Variants in TSBP1 observed in about 807,000 individuals in gnomAD.
TSBP1 encodes the protein testis expressed basic protein 1.
Under a neutral mutation model 68.8 loss-of-function variants are expected in TSBP1, and 56 were observed. The ratio of observed to expected loss-of-function variants is 0.81; its 90% CI spans 0.66 to 1.02. The LOEUF is 1.02. Ranked by LOEUF, TSBP1 falls within the 50% of genes least tolerant of loss-of-function variation. The probability of loss-of-function intolerance (pLI) is 0.00; values close to 1 mark genes in which losing one functional copy is unlikely to be tolerated. For missense variants in TSBP1, 502 were observed against 641.2 expected (o/e 0.78, Z 2.34); for synonymous variants, 171 against 208.7 (o/e 0.82, Z 1.56).
At chr6:32,344,488 C>T (rs1314762719) in intron 9 of TSBP1, among the ~76,000 whole-genome samples, 1 of 152,070 alleles carries the variant, frequency 6.6e-6, no homozygotes, top group Non-Finnish European at 1.5e-5. Flanking sequence ...GGTCCCTAGA[C>T]AAACAAGCGT....
rs551802901 is a variant in TSBP1 at position 32,316,691 on chromosome 6, C to T, written c.560-899G>A. Among the ~76,000 whole-genome samples the T allele has an allele frequency of 6.6e-6, 1 of 152,260 alleles. No homozygotes were observed. Among genetic ancestry groups the T allele is most frequent in the African/African-American group, 2.4e-5 (1 of 41,548 alleles). On this transcript the variant is annotated intron_variant, in intron 18 of 22. Coordinates refer to ENST00000612031, the Ensembl canonical transcript of TSBP1. This position sits in a 1 kb window ranked among gnomAD's most constrained non-coding sequence, Gnocchi z 4.5. ...ATAATTCTATAGGAGGTGCAAAGTA[C>T]ATATGTGTTTGAAATCATGTAAATG...
At chr6:32,310,758 TA>T (rs1214818765) in intron 19 of TSBP1, among the ~76,000 whole-genome samples, 6 of 139,428 alleles carry the variant, frequency 4.3e-5, no homozygotes, top group Admixed American at 3.5e-4. Context: ...TATATATATA[TA>T]TATTTTTAAT....
chr6:32,343,949 C>A lies in TSBP1; in HGVS notation c.350-4311G>T, dbSNP rs1378414407. ...ATATTAACTTTGATAGTAATTTGTA[C>A]AAGCTACCATAGAATGAACCCTCAC... is the stretch of plus-strand genomic sequence containing the variant. On this transcript the variant is annotated intron_variant, in intron 9 of 22. Coordinates refer to ENST00000612031, the Ensembl canonical transcript of TSBP1. This position sits in a 1 kb window ranked among gnomAD's most constrained non-coding sequence, Gnocchi z 4.3. 6.6e-6 allele frequency among the ~76,000 whole-genome samples: 1 copy of A among 150,594 alleles called. No homozygotes were observed. The highest frequency in any genetic ancestry group is 6.6e-5 in the Admixed American group (1 of 15,166).
chr6:32,310,251 AGTGT>A (rs9279576), intron 19 of TSBP1, among the ~76,000 whole-genome samples: 4 of 151,392 alleles, frequency 2.6e-5, no homozygotes, highest in Non-Finnish European at 4.4e-5. Context: ...GGCACATGTA[AGTGT>A]GTGTGTGTGT....
At chr6:32,355,032 T>A (rs1033604946) in intron 8 of TSBP1, 92 bp downstream of exon 8, 23 of 1,049,270 alleles carry the variant, frequency 2.2e-5, no homozygotes, top group Non-Finnish European at 3.1e-5. Flanking sequence ...TACTTAATTT[T>A]AAAAACTTTC....
At chr6:32,326,887 T>C (rs1195419132) in intron 16 of TSBP1, among the ~76,000 whole-genome samples, 1 of 152,212 alleles carries the variant, frequency 6.6e-6, no homozygotes, top group Non-Finnish European at 1.5e-5. Flanking sequence ...AGGGAGATGA[T>C]TGATCTCTTC....
chr6:32,307,673 G>A (rs554306207), intron 19 of TSBP1, among the ~76,000 whole-genome samples: 6 of 151,158 alleles, frequency 4.0e-5, no homozygotes, highest in African/African-American at 1.5e-4. Context: ...GTCAGTTTTT[G>A]TTTTATGTAT....
At position 32,335,961 on chromosome 6, in the gene TSBP1, A is replaced by C; in HGVS notation, c.431-29T>G. On this transcript the variant is annotated intron_variant, in intron 12 of 22. Transcript: ENST00000612031. This position sits in a 1 kb window ranked among gnomAD's most constrained non-coding sequence, Gnocchi z 5.5. ...TGAGAGAGAAAGAGGGAGAAAGAAA[A>C]AGATATCAGTATGCTTCACCACTGT... The C allele has an allele frequency of 6.3e-7, 1 of 1,595,966 alleles. No homozygotes were observed. The highest frequency in any genetic ancestry group is 1.1e-5 in the South Asian group (1 of 90,772).
In TSBP1 at chr6:32,340,144, T is replaced by C. The variant is rs967908967; in HGVS notation, c.350-506A>G. On this transcript the variant is annotated intron_variant, in intron 9 of 22. Coordinates refer to ENST00000612031, the Ensembl canonical transcript of TSBP1. The surrounding 1 kb of genome is among the most constrained non-coding windows in gnomAD (Gnocchi z 4.8). Reference sequence around the variant, plus strand: ...TTATTTTTGATTTATTAATTTCTGTTATTTTAATCTTTAAAACAACCCTAT... The same window carrying C: ...TTATTTTTGATTTATTAATTTCTGTCATTTTAATCTTTAAAACAACCCTAT... Among the ~76,000 whole-genome samples the C allele has an allele frequency of 6.6e-6, 1 of 152,228 alleles. No individual in the cohort carries two copies. The highest frequency in any genetic ancestry group is 1.5e-5 in the Non-Finnish European group (1 of 68,038).
chr6:32,345,881 C>A (rs1770957215), intron 9 of TSBP1, among the ~76,000 whole-genome samples: 1 of 152,112 alleles, frequency 6.6e-6, no homozygotes, highest in African/African-American at 2.4e-5. Context: ...TAGGAGCACA[C>A]GTCATCTTGA....
chr6:32,302,556 C>A lies in TSBP1; in HGVS notation c.601+53G>T. On this transcript the variant is annotated intron_variant, in intron 20 of 22. Transcript: ENST00000612031. This position sits in a 1 kb window ranked among gnomAD's most constrained non-coding sequence, Gnocchi z 5.1. Reference sequence around the variant, plus strand: ...TAAAAACATTTGTAGAAAAAATTTGCTCACCCCAGCCCTACAAGAAACTAA... The same window carrying A: ...TAAAAACATTTGTAGAAAAAATTTGATCACCCCAGCCCTACAAGAAACTAA... The A allele has an allele frequency of 8.3e-7, 1 of 1,201,582 alleles. No homozygotes were observed. The highest frequency in any genetic ancestry group is 1.9e-4 in the Middle Eastern group (1 of 5,166). The allele number at this position is 1,201,582 out of a possible 1,614,324, so 74.4% of individuals were successfully genotyped here. A position where few individuals can be genotyped will look rare whatever the true frequency, so the allele number is the denominator to read the frequency against.
At chr6:32,329,675 A>G (rs1768693367) in intron 16 of TSBP1, among the ~76,000 whole-genome samples, 1 of 152,096 alleles carries the variant, frequency 6.6e-6, no homozygotes, top group Non-Finnish European at 1.5e-5. Flanking sequence ...TCCCTTATTC[A>G]TGACTTTATC....
chr6:32,314,694 A>G lies in TSBP1; in HGVS notation c.580+1078T>C, dbSNP rs9268215. Reference sequence around the variant, plus strand: ...TCCTAACATTATTGAAATTAATAAAATGTTGTTATTATGAAAACTATATCC... The same window carrying G: ...TCCTAACATTATTGAAATTAATAAAGTGTTGTTATTATGAAAACTATATCC... On this transcript the variant is annotated intron_variant, in intron 19 of 22. Coordinates refer to ENST00000612031, the Ensembl canonical transcript of TSBP1. The surrounding 1 kb of genome is among the most constrained non-coding windows in gnomAD (Gnocchi z 4.2). Among the ~76,000 whole-genome samples the G allele has an allele frequency of 0.21, 31,908 of 152,038 alleles. 3,499 individuals are homozygous for G. Among genetic ancestry groups the G allele is most frequent in the East Asian group, 0.22 (1,142 of 5,172 alleles).
intron 4 of TSBP1, among the ~76,000 whole-genome samples, chr6:32,367,540 T>C (rs1489530410): frequency 2.0e-5 from 3 of 152,196 alleles, no homozygotes; most frequent in Admixed American, 6.5e-5. Context: ...TCTTCTTAAA[T>C]GGGGATAAGC....
chr6:32,354,123 A>G (rs1772005681), intron 8 of TSBP1, among the ~76,000 whole-genome samples: 1 of 151,954 alleles, frequency 6.6e-6, no homozygotes, highest in Admixed American at 6.6e-5. Context: ...AGGCCTTCTA[A>G]AAGTCAAGAG....
chr6:32,301,082 G>A (rs1336679336), intron 20 of TSBP1, among the ~76,000 whole-genome samples: 2 of 151,974 alleles, frequency 1.3e-5, no homozygotes, highest in Non-Finnish European at 2.9e-5. Flanking sequence ...AGGCTGCAGT[G>A]CAGTGGCATG....
At chr6:32,331,987 A>G (rs16870045) in intron 15 of TSBP1, 47 bp downstream of exon 16, 14,822 of 1,408,362 alleles carry the variant, frequency 0.011, 255 homozygotes, top group Admixed American at 0.031. Flanking sequence ...TCCTTCAGAC[A>G]TAGTAAGAAG....
chr6:32,308,957 C>CTTTTTTTTTTTTTTT (rs9279571), intron 19 of TSBP1, among the ~76,000 whole-genome samples: 1 of 122,050 alleles, frequency 8.2e-6, no homozygotes, highest in Non-Finnish European at 1.7e-5. Flanking sequence ...TTTCTTCCTG[C>CTTTTTTTTTTTTTTT]TTTTTTTTTT....
At chr6:32,310,216 C>CTGTT (rs9281734) in intron 19 of TSBP1, among the ~76,000 whole-genome samples, 31,914 of 151,668 alleles carry the variant, frequency 0.21, 3,519 homozygotes, top group East Asian at 0.22. Flanking sequence ...TTTTTAATGT[C>CTGTT]TGTCAGCTTA....
Sources: gnomAD v4.1 joint callset for allele counts (sites outside exome capture counted in the v4.1 genomes callset) on GRCh38, gnomAD v4.1.1 for gene constraint, Gnocchi (gnomAD v3.1) non-coding constraint, MANE v1.5 for transcripts, NCBI Gene and HGNC (gene_info 2026-07-23, HGNC 2026-07-21) for gene names.